The following DACH1 variants were observed in gnomAD, a reference collection of about 807,000 sequenced individuals.
The protein encoded by DACH1 is dachshund homolog 1.
In DACH1, 12 loss-of-function variants were observed where a neutral mutation model predicts 54.2. The observed-to-expected ratio is 0.22, with a 90% CI of 0.14 to 0.36. DACH1 has a LOEUF of 0.36. DACH1 is among the 10% of genes least tolerant of loss of function. The pLI is 1.00. For missense variants in DACH1, 805 were observed against 929.8 expected, an observed-to-expected ratio of 0.87 and a Z score of 1.75; for synonymous variants, 386 against 366.2, an observed-to-expected ratio of 1.05 and a Z score of -0.62.
chr13:71,570,965 T>A (rs1315564818), intron 4 of DACH1, among the ~76,000 whole-genome samples: 1 of 152,168 alleles, frequency 6.6e-6, no homozygotes, highest in Non-Finnish European at 1.5e-5. Flanking sequence ...AAATCAAGTA[T>A]CCTGATATAA....
chr13:71,697,253 A>T (rs1258942881), intron 1 of DACH1, among the ~76,000 whole-genome samples: 2 of 152,230 alleles, frequency 1.3e-5, no homozygotes, highest in Non-Finnish European at 2.9e-5. Context: ...AATGAAAAAA[A>T]ATGAATGACT....
intron 1 of DACH1, among the ~76,000 whole-genome samples, chr13:71,701,337 CAATCAGAGTTAT>C (rs1882128607): frequency 6.6e-6 from 1 of 152,046 alleles, no homozygotes; most frequent in Non-Finnish European, 1.5e-5. Context: ...TAATATGTGA[CAATCAGAGTTAT>C]AATTAATACA....
intron 6 of DACH1, among the ~76,000 whole-genome samples, chr13:71,525,665 G>T (rs1213605623): frequency 2.0e-5 from 3 of 151,982 alleles, no homozygotes; most frequent in Admixed American, 2.0e-4. Flanking sequence ...TATTTGTCAG[G>T]CTGGAACCGA....
intron 1 of DACH1, among the ~76,000 whole-genome samples, chr13:71,748,969 TC>T (rs1884799797): frequency 7.0e-6 from 1 of 142,956 alleles, no homozygotes; most frequent in African/African-American, 2.6e-5. Flanking sequence ...TCTTTCTCTC[TC>T]TCTCTTTCTT....
intron 1 of DACH1, among the ~76,000 whole-genome samples, chr13:71,779,267 A>G (rs545546942): frequency 4.3e-5 from 3 of 69,378 alleles, no homozygotes; most frequent in Admixed American, 2.5e-4. Context: ...ATATATGTGT[A>G]TATATACGTA....
intron 4 of DACH1, among the ~76,000 whole-genome samples, chr13:71,569,504 C>G (rs925347086): frequency 6.6e-6 from 1 of 151,988 alleles, no homozygotes; most frequent in African/African-American, 2.4e-5. Context: ...AAATGCAAAA[C>G]CATTCTTAAC....
intron 3 of DACH1, among the ~76,000 whole-genome samples, chr13:71,595,462 G>T (rs1020710293): frequency 3.3e-5 from 5 of 152,220 alleles, no homozygotes; most frequent in Admixed American, 6.5e-5. Flanking sequence ...ACTGAGTTCT[G>T]AGACTTTCAC....
intron 1 of DACH1, among the ~76,000 whole-genome samples, chr13:71,692,145 ACACTT>A (rs571766635): frequency 2.6e-4 from 39 of 152,242 alleles, no homozygotes; most frequent in African/African-American, 8.9e-4. Context: ...ATTAAAGAAA[ACACTT>A]CATAAAGTAT....
At chr13:71,484,563 A>G (rs2138193059) in intron 7 of DACH1, among the ~76,000 whole-genome samples, 1 of 152,304 alleles carries the variant, frequency 6.6e-6, no homozygotes, top group East Asian at 1.9e-4. Context: ...AACTCCAATC[A>G]TATATCCCCT....
At chr13:71,661,399 G>T (rs1879474762) in intron 2 of DACH1, among the ~76,000 whole-genome samples, 1 of 151,838 alleles carries the variant, frequency 6.6e-6, no homozygotes, top group Non-Finnish European at 1.5e-5. Flanking sequence ...GATTTACTAT[G>T]TTCTGGGATA....
Position 71,516,369 on chromosome 13 carries a change from G to T in DACH1, c.1571-27221C>A, listed in dbSNP as rs112753770. Among the ~76,000 whole-genome samples the T allele has an allele frequency of 5.0e-3, 751 of 151,474 alleles. 3 individuals carry two copies. The highest frequency in any genetic ancestry group is 8.0e-3 in the Non-Finnish European group (545 of 67,806). On this transcript the variant is annotated intron_variant, in intron 6 of 10. Transcript: ENST00000613252. ...TTTTTTTTCTAAAGGCGTCTAATTA[G>T]CAGAAAGAGGGTCTCAAACATCTAG...
At chr13:71,607,355 G>T (rs1874951851) in intron 3 of DACH1, among the ~76,000 whole-genome samples, 1 of 151,902 alleles carries the variant, frequency 6.6e-6, no homozygotes, top group Non-Finnish European at 1.5e-5. Context: ...TACCTTATAT[G>T]CTATGATCTC....
chr13:71,846,587 G>A (rs1006602602), intron 1 of DACH1, among the ~76,000 whole-genome samples: 5 of 152,324 alleles, frequency 3.3e-5, no homozygotes, highest in South Asian at 2.1e-4. Context: ...CCGAGATGGC[G>A]CCACCTCACT....
rs139792258 is a variant in DACH1, at chr13:71,858,419, C to G, written c.848+7503G>C. Among the ~76,000 whole-genome samples the G allele has an allele frequency of 8.7e-3, 1,322 of 151,790 alleles. 13 individuals carry two copies. Among genetic ancestry groups the G allele is most frequent in the African/African-American group, 0.03 (1,247 of 41,498 alleles). ...ATTCAATGTTACCAATCAACATCAACCAATGTACTATGTGGCCTATTGCAG... is the reference window on the plus strand; with the variant it reads ...ATTCAATGTTACCAATCAACATCAAGCAATGTACTATGTGGCCTATTGCAG... On this transcript the variant is annotated intron_variant, in intron 1 of 10. Coordinates refer to ENST00000613252, the MANE Select transcript of DACH1 (RefSeq NM_080759.6).
chr13:71,484,027 T>G (rs1017310341), intron 7 of DACH1, among the ~76,000 whole-genome samples: 4 of 152,204 alleles, frequency 2.6e-5, no homozygotes, highest in African/African-American at 9.7e-5. Flanking sequence ...ATGACTATAG[T>G]TCAGTCTTAT....
chr13:71,521,554 T>TGTTA (rs1317743469), intron 6 of DACH1, among the ~76,000 whole-genome samples: 11 of 152,050 alleles, frequency 7.2e-5, no homozygotes, highest in Non-Finnish European at 1.0e-4. Context: ...TTCTTCAGTC[T>TGTTA]TTCAAAGGCA....
At chr13:71,592,511 A>G (rs1274146135) in intron 3 of DACH1, among the ~76,000 whole-genome samples, 4 of 149,510 alleles carry the variant, frequency 2.7e-5, no homozygotes, top group East Asian at 1.9e-4. Flanking sequence ...AAAAAAAAAA[A>G]AAAAAAGAAA....
At chr13:71,839,343 C>T (rs899516399) in intron 1 of DACH1, among the ~76,000 whole-genome samples, 2 of 152,108 alleles carry the variant, frequency 1.3e-5, no homozygotes, top group African/African-American at 2.4e-5. Context: ...CACGGTGGCT[C>T]ACACCTGTAA....
rs538976207 is a variant in DACH1, at chr13:71,713,716, T to C, written c.849-31806A>G. Among the ~76,000 whole-genome samples, 5 of 152,242 alleles carry C rather than the reference T, an allele frequency of 3.3e-5. No individual in the cohort carries two copies. In the South Asian group the frequency reaches 8.3e-4, roughly 25 times the overall value. On this transcript the variant is annotated intron_variant, in intron 1 of 10. Transcript: ENST00000613252. The stretch of plus-strand genomic sequence containing the variant: ...AATTGCAGCATGATAAGCAATGTAT[T>C]AGATAAATTGTAGTAGCATCATTCC...
Sources: gnomAD v4.1 joint callset for allele counts (sites outside exome capture counted in the v4.1 genomes callset) on GRCh38, gnomAD v4.1.1 for gene constraint, MANE v1.5 for transcripts, NCBI Gene and HGNC (gene_info 2026-07-23, HGNC 2026-07-21) for gene names.